The following PRKG2 variants were observed in gnomAD, a reference collection of about 807,000 sequenced individuals.
The protein encoded by PRKG2 is protein kinase cGMP-dependent 2, also known as cGMP-dependent protein kinase 2.
Under a neutral mutation model 97.2 loss-of-function variants are expected in PRKG2, and 33 were observed. The observed-to-expected ratio is 0.34, with a 90% confidence interval of 0.26 to 0.45. The LOEUF (loss-of-function observed/expected upper bound fraction) is 0.45. Among genes scored for constraint, PRKG2 ranks in the 20% least tolerant of loss-of-function variants. PRKG2 has a pLI of 1.00. For synonymous variants in PRKG2, 330 were observed against 321.8 expected (o/e 1.03, Z -0.27); for missense variants, 638 against 900.0 (o/e 0.71, Z 3.73).
chr4:81,117,804 CA>C (rs541057190), intron 14 of PRKG2, among the ~76,000 whole-genome samples: 16,705 of 152,090 alleles, frequency 0.11, 1,651 homozygotes, highest in East Asian at 0.39. Flanking sequence ...CAGAGAGAAG[CA>C]CTTGTTACAA....
At chr4:81,121,130 C>G (rs1406550623) in intron 14 of PRKG2, among the ~76,000 whole-genome samples, 1 of 151,898 alleles carries the variant, frequency 6.6e-6, no homozygotes, top group Non-Finnish European at 1.5e-5. Flanking sequence ...GTCTTGAATA[C>G]CTGGAATAAA....
intron 13 of PRKG2, 68 bp downstream of exon 13, chr4:81,137,325 T>C: frequency 1.8e-6 from 2 of 1,114,486 alleles, no homozygotes; most frequent in Admixed American, 3.9e-5. Context: ...TGATTTCCTC[T>C]ATGCCTTTTT....
intron 14 of PRKG2, among the ~76,000 whole-genome samples, chr4:81,116,370 A>C (rs1434425038): frequency 6.6e-6 from 1 of 152,024 alleles, no homozygotes; most frequent in Non-Finnish European, 1.5e-5. Context: ...TGATTTCATT[A>C]CTTTTTATGT....
intron 2 of PRKG2, among the ~76,000 whole-genome samples, chr4:81,177,533 G>A (rs932796417): frequency 1.8e-4 from 28 of 152,018 alleles, no homozygotes; most frequent in African/African-American, 4.1e-4. Flanking sequence ...GTGAAACCCC[G>A]TCTCTACTAA....
At chr4:81,156,866 G>A (rs923680082) in intron 6 of PRKG2, among the ~76,000 whole-genome samples, 3 of 152,262 alleles carry the variant, frequency 2.0e-5, no homozygotes, top group South Asian at 2.1e-4. Flanking sequence ...AAATAAAGAT[G>A]TTCTTTGAAA....
rs187199305 is a variant in PRKG2 at position 81,088,863 on chromosome 4, A to G, written c.*845T>C. ...CCTACTAGAATATATTTTCCTTTCT[A>G]TTTACTGGGAGGCAAAAGCCTTCGC... On this transcript the variant is annotated 3_prime_UTR_variant, in exon 19 of 19. Transcript: ENST00000264399. 1.1e-4 allele frequency: 17 copies of G among 152,270 alleles called. No homozygotes were observed. Among genetic ancestry groups the G allele is most frequent in the Non-Finnish European group, 2.5e-4 (17 of 68,004 alleles). The allele number at this position is 152,270 out of a possible 1,614,324, so 9.4% of individuals were successfully genotyped here.
At chr4:81,092,294 G>C in intron 18 of PRKG2, 92 bp downstream of exon 18, 1 of 712,626 alleles carries the variant, frequency 1.4e-6, no homozygotes, top group Non-Finnish European at 2.2e-6. Flanking sequence ...CCCAAAATCT[G>C]TTATGGGCAT....
Position 81,204,895 on chromosome 4 carries a change from C to G in PRKG2, c.153G>C (p.Leu51Phe). Residue 51 changes from leucine (L) to phenylalanine (F), a missense_variant, in exon 2 of 19, where the codon TTG becomes TTC. By Grantham distance (22) the Leu-to-Phe change is conservative. Around this residue, in one of 3 missense-constraint regions of PRKG2, gnomAD observed 332 missense variants for 421.7 expected, o/e 0.79. Transcript: ENST00000264399. Reference protein sequence around the residue: ...DAEIQEREYHLKELREQLSKQ... With the variant: ...DAEIQEREYHFKELREQLSKQ... ...TCGACAGCTGCTCCCGCAGCTCCTT[C>G]AAATGGTACTCCCGCTCCTGGATCT... is the stretch of plus-strand genomic sequence containing the variant. The G allele has an allele frequency of 6.2e-7, 1 of 1,614,232 alleles. No homozygotes were observed. The highest frequency in any genetic ancestry group is 8.5e-7 in the Non-Finnish European group (1 of 1,180,054).
intron 12 of PRKG2, among the ~76,000 whole-genome samples, chr4:81,138,095 C>T (rs58128177): frequency 0.014 from 2,143 of 152,246 alleles, 59 homozygotes; most frequent in African/African-American, 0.049. Context: ...TTGTTGGATG[C>T]ATGTCCCCAA....
At chr4:81,128,798 G>T (rs1335449194) in intron 14 of PRKG2, among the ~76,000 whole-genome samples, 1 of 150,748 alleles carries the variant, frequency 6.6e-6, no homozygotes. Flanking sequence ...TTGATTTTTT[G>T]AAGGGTTTTT....
intron 2 of PRKG2, among the ~76,000 whole-genome samples, chr4:81,201,285 T>C (rs1753295283): frequency 6.6e-6 from 1 of 152,246 alleles, no homozygotes; most frequent in Non-Finnish European, 1.5e-5. Flanking sequence ...ACTAGCTGCA[T>C]TTCAAGTGCT....
At chr4:81,168,567 C>A (rs1230688416) in intron 5 of PRKG2, among the ~76,000 whole-genome samples, 1 of 152,080 alleles carries the variant, frequency 6.6e-6, no homozygotes, top group Non-Finnish European at 1.5e-5. Context: ...GGCTTATCAG[C>A]TTTAAATGCT....
intron 10 of PRKG2, among the ~76,000 whole-genome samples, chr4:81,143,778 T>G (rs1434018336): frequency 6.6e-6 from 1 of 152,172 alleles, no homozygotes; most frequent in East Asian, 1.9e-4. Flanking sequence ...AGTAGAGTTT[T>G]CTAGTACACA....
intron 9 of PRKG2, 54 bp from the exon 10 acceptor site, chr4:81,144,384 T>C (rs926204355): frequency 6.9e-5 from 97 of 1,395,728 alleles, no homozygotes; most frequent in East Asian, 6.9e-5. Flanking sequence ...CCAAGGCAAC[T>C]TGACATTCTT....
intron 13 of PRKG2, among the ~76,000 whole-genome samples, chr4:81,136,584 G>A (rs1239212333): frequency 6.6e-6 from 1 of 151,888 alleles, no homozygotes; most frequent in African/African-American, 2.4e-5. Context: ...CAACTTCCCT[G>A]CTTTGTCTTA....
rs139271387 is a variant in PRKG2, at chr4:81,177,560, G to A, written c.462-2601C>T. 3.8e-3 allele frequency among the ~76,000 whole-genome samples: 583 copies of A among 152,140 alleles called. 5 individuals are homozygous for A. The highest frequency in any genetic ancestry group is 0.013 in the African/African-American group (543 of 41,512). On this transcript the variant is annotated intron_variant, in intron 2 of 18. Coordinates refer to ENST00000264399, the MANE Select transcript of PRKG2 (RefSeq NM_006259.3). Reference sequence around the variant, plus strand: ...CTCTACTAATACAAAAAAATTAGCCGGGCATGGTGGTGGGTGCCTGTAGTC... The same window carrying A: ...CTCTACTAATACAAAAAAATTAGCCAGGCATGGTGGTGGGTGCCTGTAGTC...
chr4:81,159,165 G>A (rs1749385795), intron 6 of PRKG2, among the ~76,000 whole-genome samples: 1 of 152,046 alleles, frequency 6.6e-6, no homozygotes, highest in South Asian at 2.1e-4. Flanking sequence ...CCATCAGGGT[G>A]AACAGGCAAC....
intron 12 of PRKG2, among the ~76,000 whole-genome samples, chr4:81,139,228 G>A (rs1747012113): frequency 6.6e-6 from 1 of 152,080 alleles, no homozygotes; most frequent in Admixed American, 6.5e-5. Flanking sequence ...CTAGGACCAG[G>A]GTACATTCCC....
At chr4:81,161,056 A>G (rs931082955) in intron 6 of PRKG2, among the ~76,000 whole-genome samples, 3 of 152,164 alleles carry the variant, frequency 2.0e-5, no homozygotes, top group Non-Finnish European at 4.4e-5. Context: ...AATAAATTCC[A>G]AACTAAACTA....
Sources: allele counts gnomAD v4.1 joint callset (sites outside exome capture counted in the v4.1 genomes callset), GRCh38; gene constraint gnomAD v4.1.1; regional missense constraint gnomAD v4.1.1; transcripts MANE v1.5; gene names NCBI Gene and HGNC (gene_info 2026-07-23, HGNC 2026-07-21).